Variants in DLG2 observed in about 807,000 individuals in gnomAD.
DLG2 encodes discs large MAGUK scaffold protein 2.
DLG2 carries 45 observed loss-of-function variants against 132.5 expected under a neutral mutation model. The ratio of observed to expected loss-of-function variants is 0.34; its 90% CI spans 0.27 to 0.44. The LOEUF is 0.44. DLG2 is among the 20% of genes least tolerant of loss of function. DLG2 has a pLI of 1.00. For missense variants in DLG2, 1,045 were observed against 1,196.9 expected, an observed-to-expected ratio of 0.87 and a Z score of 1.87; for synonymous variants, 424 against 419.6, an observed-to-expected ratio of 1.01 and a Z score of -0.13.
At chr11:84,219,444 C>T (rs942697818) in intron 8 of DLG2, among the ~76,000 whole-genome samples, 1 of 152,104 alleles carries the variant, frequency 6.6e-6, no homozygotes, top group Non-Finnish European at 1.5e-5. Flanking sequence ...CCACAAAGTA[C>T]GTGTCTGAGT....
chr11:84,802,990 G>A lies in DLG2; in HGVS notation c.358-268259C>T, dbSNP rs184987265. On this transcript the variant is annotated intron_variant, in intron 6 of 27. Coordinates refer to ENST00000376104, the MANE Select transcript of DLG2 (RefSeq NM_001142699.3). ...AATTTTTTGTATTTTTGGTAGAGAC[G>A]GGTTTCACAGTGTTAGCCAGGATTG... is the stretch of plus-strand genomic sequence containing the variant. Among the ~76,000 whole-genome samples the A allele has an allele frequency of 1.8e-4, 27 of 152,034 alleles. No individual in the cohort carries two copies. The East Asian group carries it at 4.8e-3, about 27-fold the overall frequency.
At chr11:83,518,350 G>A (rs887984900) in intron 21 of DLG2, among the ~76,000 whole-genome samples, 8 of 152,194 alleles carry the variant, frequency 5.3e-5, no homozygotes, top group East Asian at 1.9e-4. Flanking sequence ...CTGGTGTGAC[G>A]TTTGCTAAGA....
At chr11:83,651,718 C>T (rs1387627582) in intron 18 of DLG2, 8 of 358,030 alleles carry the variant, frequency 2.2e-5, no homozygotes, top group Non-Finnish European at 4.2e-5. Flanking sequence ...AGAATGCCCT[C>T]GGAAGTCTAC....
intron 6 of DLG2, among the ~76,000 whole-genome samples, chr11:84,779,970 A>C (rs1390984362): frequency 6.6e-6 from 1 of 152,006 alleles, no homozygotes; most frequent in Non-Finnish European, 1.5e-5. Flanking sequence ...ACAAAGAAGA[A>C]CTAATACCAA....
At chr11:85,412,614 T>C (rs1264265995) in intron 3 of DLG2, among the ~76,000 whole-genome samples, 1 of 151,426 alleles carries the variant, frequency 6.6e-6, no homozygotes, top group African/African-American at 2.4e-5. Flanking sequence ...TGAGAACATA[T>C]GATGTTTGGT....
chr11:84,151,196 T>C (rs1468079787), intron 9 of DLG2, among the ~76,000 whole-genome samples: 2 of 151,852 alleles, frequency 1.3e-5, no homozygotes, highest in Admixed American at 6.6e-5. Flanking sequence ...TTCAGTAAGA[T>C]TGGCTTTTTT....
In DLG2 at chr11:84,059,442, T is replaced by C. The variant is rs373742989; in HGVS notation, c.792A>G (p.Ser264=). Residue 264 remains serine (S), a synonymous_variant, in exon 11 of 28, where the codon TCA becomes TCG. Coordinates refer to ENST00000376104, the MANE Select transcript of DLG2 (RefSeq NM_001142699.3). ...CCACCGCTTTACTGTGGGAAACCTC[T>C]GACACATCAACCTCATTCACCCGCA... ...CILRVNEVDV[S]EVSHSKAVEA... 26 of 1,612,588 alleles carry C rather than the reference T, an allele frequency of 1.6e-5. No homozygotes were observed. Among genetic ancestry groups the C allele is most frequent in the Non-Finnish European group, 1.7e-5 (20 of 1,179,398 alleles).
chr11:85,064,832 C>G (rs2064661394), intron 6 of DLG2, among the ~76,000 whole-genome samples: 1 of 151,586 alleles, frequency 6.6e-6, no homozygotes, highest in Non-Finnish European at 1.5e-5. Flanking sequence ...AGAATTCTAT[C>G]TCAAGATTAT....
At chr11:84,791,028 G>A (rs1408007858) in intron 6 of DLG2, among the ~76,000 whole-genome samples, 2 of 152,174 alleles carry the variant, frequency 1.3e-5, no homozygotes, top group African/African-American at 4.8e-5. Context: ...CATGACTGGG[G>A]AGGCCTCAGG....
Position 85,435,433 on chromosome 11 carries a change from C to A in DLG2, c.41-150068G>T, listed in dbSNP as rs138330683. Among the ~76,000 whole-genome samples, 817 of 152,270 alleles carry A rather than the reference C, an allele frequency of 5.4e-3. 4 individuals are homozygous for A. The highest frequency in any genetic ancestry group is 0.027 in the Middle Eastern group (8 of 294). ...AAACCACATCGTCTCAGCCCAAAATCTCCTTAAGCTGATAAGCAACTTCAG... is the reference window on the plus strand; with the variant it reads ...AAACCACATCGTCTCAGCCCAAAATATCCTTAAGCTGATAAGCAACTTCAG... On this transcript the variant is annotated intron_variant, in intron 3 of 27. Coordinates refer to ENST00000376104, the MANE Select transcript of DLG2 (RefSeq NM_001142699.3).
chr11:83,486,150 T>C, intron 21 of DLG2: 1 of 616,498 alleles, frequency 1.6e-6, no homozygotes, highest in Admixed American at 3.0e-5. Context: ...CCCCCAAATT[T>C]TCCTAGTTAA....
chr11:85,153,661 G>T (rs1204997596), intron 5 of DLG2, among the ~76,000 whole-genome samples: 1 of 152,068 alleles, frequency 6.6e-6, no homozygotes, highest in East Asian at 1.9e-4. Flanking sequence ...TATTAAATAT[G>T]AAGTATTTAT....
intron 6 of DLG2, among the ~76,000 whole-genome samples, chr11:84,830,957 C>T (rs1404616267): frequency 3.1e-5 from 2 of 64,084 alleles, no homozygotes; most frequent in African/African-American, 4.7e-5. Context: ...CTCCTCCCCC[C>T]ACCCCCCCCA....
In DLG2 at chr11:84,823,304, T is replaced by C. The variant is rs545747814; in HGVS notation, c.357+288357A>G. Among the ~76,000 whole-genome samples, 151 of 151,926 alleles carry C rather than the reference T, an allele frequency of 9.9e-4. 1 individual carries two copies. Among genetic ancestry groups the C allele is most frequent in the African/African-American group, 3.5e-3 (144 of 41,518 alleles). ...GAATTGAATATATTAAAGGAATACATACATTTCTATATATAATAAGAATAG... is the reference window on the plus strand; with the variant it reads ...GAATTGAATATATTAAAGGAATACACACATTTCTATATATAATAAGAATAG... On this transcript the variant is annotated intron_variant, in intron 6 of 27. Transcript: ENST00000376104.
chr11:84,802,271 A>G (rs1415049511), intron 6 of DLG2, among the ~76,000 whole-genome samples: 2 of 152,128 alleles, frequency 1.3e-5, no homozygotes, highest in African/African-American at 4.8e-5. Context: ...AGGAAATAGG[A>G]ATAATAGGAA....
intron 17 of DLG2, among the ~76,000 whole-genome samples, chr11:83,787,133 A>G (rs887613897): frequency 6.6e-6 from 1 of 152,130 alleles, no homozygotes; most frequent in Admixed American, 6.5e-5. Flanking sequence ...GAGGGAAAAC[A>G]GGATGATAAA....
chr11:85,406,415 C>A (rs1213600679), intron 3 of DLG2, among the ~76,000 whole-genome samples: 2 of 151,682 alleles, frequency 1.3e-5, no homozygotes, highest in Non-Finnish European at 2.9e-5. Flanking sequence ...TTTAAAAAAA[C>A]AGAAAAAGTT....
chr11:84,577,399 T>C, intron 6 of DLG2, among the ~76,000 whole-genome samples: 1 of 152,170 alleles, frequency 6.6e-6, no homozygotes, highest in East Asian at 1.9e-4. Context: ...TCCTGGAGAC[T>C]TGTTGACTGG....
intron 6 of DLG2, among the ~76,000 whole-genome samples, chr11:84,661,533 A>T (rs1213502727): frequency 6.6e-6 from 1 of 152,198 alleles, no homozygotes; most frequent in Non-Finnish European, 1.5e-5. Context: ...GTGACATGAG[A>T]ATGTTAATTG....
Sources: gnomAD v4.1 joint callset for allele counts (sites outside exome capture counted in the v4.1 genomes callset) on GRCh38, gnomAD v4.1.1 for gene constraint, MANE v1.5 for transcripts, NCBI Gene and HGNC (gene_info 2026-07-23, HGNC 2026-07-21) for gene names.